The following GLIS3 variants were observed in gnomAD, a reference collection of about 807,000 sequenced individuals.
GLIS3 encodes the protein zinc finger protein GLIS3.
A neutral mutation model predicts 78.6 loss-of-function variants in GLIS3; 53 were observed. That is an observed-to-expected ratio of 0.67 (90% CI 0.54 to 0.85). GLIS3 has a LOEUF of 0.85. Ranked by LOEUF, GLIS3 falls within the 40% of genes least tolerant of loss-of-function variation. GLIS3 has a pLI of 0.00. For synonymous variants in GLIS3, 684 were observed against 509.9 expected, an observed-to-expected ratio of 1.34 and a Z score of -4.60; for missense variants, 1,703 against 1,231.1, an observed-to-expected ratio of 1.38 and a Z score of -5.74.
At chr9:4,458,242 C>G in the GLIS3 span, among the ~76,000 whole-genome samples, 4 of 152,130 alleles carry the variant, frequency 2.6e-5, no homozygotes, top group African/African-American at 9.7e-5. Flanking sequence ...AATTTATTCA[C>G]TCAATCAGCT....
chr9:4,008,837 G>A (rs771750608), intron 4 of GLIS3, among the ~76,000 whole-genome samples: 23 of 152,132 alleles, frequency 1.5e-4, no homozygotes, highest in Non-Finnish European at 2.6e-4. Flanking sequence ...ACCTTTTATA[G>A]GTGAGGAAAT....
At chr9:4,468,780 A>G in the GLIS3 span, among the ~76,000 whole-genome samples, 18 of 151,864 alleles carry the variant, frequency 1.2e-4, no homozygotes, top group East Asian at 2.7e-3. Context: ...AAATTCACAC[A>G]TAACAATATT....
At chr9:4,018,314 A>T (rs1822602490) in intron 4 of GLIS3, among the ~76,000 whole-genome samples, 1 of 152,156 alleles carries the variant, frequency 6.6e-6, no homozygotes, top group African/African-American at 2.4e-5. Context: ...CCTTGGTTAC[A>T]CAGGACTGGC....
intron 4 of GLIS3, among the ~76,000 whole-genome samples, chr9:4,024,217 C>A (rs758924659): frequency 3.3e-5 from 5 of 151,974 alleles, no homozygotes; most frequent in Admixed American, 6.6e-5. Flanking sequence ...GTGTTCAGAC[C>A]GAGACTGTAC....
At chr9:4,208,644 G>C (rs925307619) in intron 2 of GLIS3, among the ~76,000 whole-genome samples, 7 of 152,186 alleles carry the variant, frequency 4.6e-5, no homozygotes, top group African/African-American at 1.7e-4. Context: ...TTGTCTGTTA[G>C]GGAATAGTAT....
rs564949581 is a variant in GLIS3, at chr9:4,133,020, G to C, written c.389-7079C>G. Among the ~76,000 whole-genome samples, 4 of 152,264 alleles carry C rather than the reference G, an allele frequency of 2.6e-5. No homozygotes were observed. In the South Asian group the frequency reaches 6.2e-4, roughly 24 times the overall value. Reference sequence around the variant, plus strand: ...ATATATGCCTCACTGCCTCTAAGCAGCAGGGTTTTCTTCCCACACTTTTCC... The same window carrying C: ...ATATATGCCTCACTGCCTCTAAGCACCAGGGTTTTCTTCCCACACTTTTCC... On this transcript the variant is annotated intron_variant, in intron 2 of 10. Coordinates refer to ENST00000381971, the MANE Select transcript of GLIS3 (RefSeq NM_001042413.2).
At chr9:4,246,779 G>T (rs1335385512) in intron 2 of GLIS3, among the ~76,000 whole-genome samples, 2 of 152,068 alleles carry the variant, frequency 1.3e-5, no homozygotes, top group Non-Finnish European at 2.9e-5. Context: ...GTTCTTAAAC[G>T]GGTTTTTCAA....
At chr9:4,460,860 T>C in the GLIS3 span, among the ~76,000 whole-genome samples, 1 of 152,222 alleles carries the variant, frequency 6.6e-6, no homozygotes, top group Non-Finnish European at 1.5e-5. Context: ...TGAAGAGCTT[T>C]AACGCCAAAT....
At chr9:3,876,009 G>T (rs1302738840) in intron 8 of GLIS3, among the ~76,000 whole-genome samples, 1 of 152,104 alleles carries the variant, frequency 6.6e-6, no homozygotes, top group South Asian at 2.1e-4. Context: ...GCTATGAAAG[G>T]CCTGTTTCAT....
At chr9:4,200,037 A>T (rs1342925586) in intron 2 of GLIS3, among the ~76,000 whole-genome samples, 1 of 152,216 alleles carries the variant, frequency 6.6e-6, no homozygotes, top group Non-Finnish European at 1.5e-5. Flanking sequence ...ATGGAAATTA[A>T]CTTACTTCAG....
chr9:4,234,381 GT>G, intron 2 of GLIS3, among the ~76,000 whole-genome samples: 1 of 152,298 alleles, frequency 6.6e-6, no homozygotes, highest in South Asian at 2.1e-4. Context: ...ATACTGCTGT[GT>G]TTTAAGGAAT....
chr9:4,275,176 C>T (rs1179017725), intron 2 of GLIS3, among the ~76,000 whole-genome samples: 2 of 152,124 alleles, frequency 1.3e-5, no homozygotes, highest in Non-Finnish European at 2.9e-5. Flanking sequence ...CAGGTGGCCA[C>T]ACAAAAGGCT....
intron 4 of GLIS3, among the ~76,000 whole-genome samples, chr9:4,026,796 G>A (rs1204425726): frequency 6.6e-6 from 1 of 152,170 alleles, no homozygotes; most frequent in African/African-American, 2.4e-5. Context: ...AGGTAAAAGT[G>A]ATAAAATTAA....
chr9:4,392,285 T>A, the GLIS3 span, among the ~76,000 whole-genome samples: 1 of 152,030 alleles, frequency 6.6e-6, no homozygotes, highest in Non-Finnish European at 1.5e-5. Context: ...AAATAGCTAA[T>A]GCATGCTGTG....
intron 2 of GLIS3, among the ~76,000 whole-genome samples, chr9:4,170,440 A>AC (rs1816279717): frequency 6.6e-6 from 1 of 152,180 alleles, no homozygotes; most frequent in South Asian, 2.1e-4. Context: ...AGCAACTAAG[A>AC]CATGGCACAC....
At chr9:4,421,791 T>C in the GLIS3 span, among the ~76,000 whole-genome samples, 1 of 152,218 alleles carries the variant, frequency 6.6e-6, no homozygotes, top group African/African-American at 2.4e-5. Context: ...TAGGTGCTAG[T>C]GTTAAAATAG....
the GLIS3 span, among the ~76,000 whole-genome samples, chr9:4,400,758 A>C: frequency 3.3e-5 from 5 of 152,328 alleles, no homozygotes. Context: ...GGGCAGAGTC[A>C]TGAGGACCCT....
intron 2 of GLIS3, among the ~76,000 whole-genome samples, chr9:4,337,572 A>G (rs1448266542): frequency 6.6e-6 from 1 of 152,214 alleles, no homozygotes; most frequent in African/African-American, 2.4e-5. Context: ...CTAACAAACA[A>G]AAAGCTTCAG....
intron 5 of GLIS3, among the ~76,000 whole-genome samples, chr9:3,934,670 A>G (rs949345141): frequency 6.6e-6 from 1 of 152,124 alleles, no homozygotes; most frequent in African/African-American, 2.4e-5. Flanking sequence ...TGGCTTCCCA[A>G]AGTGCTGGGA....
Sources: allele counts gnomAD v4.1 joint callset (sites outside exome capture counted in the v4.1 genomes callset), GRCh38; gene constraint gnomAD v4.1.1; transcripts MANE v1.5; gene names NCBI Gene and HGNC (gene_info 2026-07-23, HGNC 2026-07-21).